Variants in LRRTM4 observed in about 807,000 individuals in gnomAD.
The protein encoded by LRRTM4 is leucine-rich repeat transmembrane neuronal protein 4.
A neutral mutation model predicts 47.6 loss-of-function variants in LRRTM4; 25 were observed. The ratio of observed to expected loss-of-function variants is 0.53; its 90% CI spans 0.38 to 0.73. The LOEUF is 0.73. Ranked by LOEUF, LRRTM4 falls within the 30% of genes least tolerant of loss-of-function variation. The probability of loss-of-function intolerance (pLI) is 0.00; values close to 1 mark genes in which losing one functional copy is unlikely to be tolerated. For synonymous variants in LRRTM4, 311 were observed against 269.5 expected (o/e 1.15, Z -1.51); for missense variants, 638 against 713.4 (o/e 0.89, Z 1.20).
chr2:77,333,723 T>A (rs928674845), intron 3 of LRRTM4, among the ~76,000 whole-genome samples: 1 of 152,150 alleles, frequency 6.6e-6, no homozygotes, highest in African/African-American at 2.4e-5. Flanking sequence ...AAAAGGGAAA[T>A]GTGGGATTGG....
chr2:76,982,336 C>T (rs1457999220), intron 3 of LRRTM4, among the ~76,000 whole-genome samples: 5 of 151,870 alleles, frequency 3.3e-5, no homozygotes, highest in Admixed American at 2.0e-4. Flanking sequence ...CTGACAATGC[C>T]GGTGATGCAA....
chr2:77,246,237 T>C (rs935805495), intron 3 of LRRTM4, among the ~76,000 whole-genome samples: 3 of 152,178 alleles, frequency 2.0e-5, no homozygotes, highest in African/African-American at 7.2e-5. Flanking sequence ...TAGCTCCATC[T>C]GAATGTGCTT....
rs374412397 is a variant in LRRTM4 at position 77,351,454 on chromosome 2, C to T, written c.1551+166864G>A. Among the ~76,000 whole-genome samples the T allele has an allele frequency of 4.8e-4, 73 of 151,660 alleles. 1 individual carries two copies. In the South Asian group the frequency reaches 0.015, roughly 31 times the overall value. On this transcript the variant is annotated intron_variant, in intron 3 of 3. Coordinates refer to ENST00000409884, the MANE Select transcript of LRRTM4 (RefSeq NM_001134745.3). ...AGACTTGAAACAAATTGAATTCCCA[C>T]CAGCAGTAGGATAGTTGAAAACCTT...
chr2:77,491,360 C>CA (rs199736457), intron 3 of LRRTM4, among the ~76,000 whole-genome samples: 8,833 of 149,414 alleles, frequency 0.059, 534 homozygotes, highest in Admixed American at 0.21. Context: ...GGAGGTAAAA[C>CA]AAAAAAAAAT....
At chr2:77,208,325 G>GTA (rs1458209639) in intron 3 of LRRTM4, among the ~76,000 whole-genome samples, 1 of 152,144 alleles carries the variant, frequency 6.6e-6, no homozygotes, top group Admixed American at 6.5e-5. Context: ...AGAGAAGAAT[G>GTA]TAAGTCATAG....
intron 3 of LRRTM4, among the ~76,000 whole-genome samples, chr2:76,948,233 TATAG>T (rs1675386369): frequency 6.6e-6 from 1 of 151,868 alleles, no homozygotes; most frequent in Admixed American, 6.6e-5. Context: ...CAGACAACTT[TATAG>T]ATAGAAGTGA....
At chr2:76,782,027 A>ATCTT (rs1264168500) in intron 3 of LRRTM4, among the ~76,000 whole-genome samples, 1 of 152,146 alleles carries the variant, frequency 6.6e-6, no homozygotes, top group African/African-American at 2.4e-5. Context: ...CAGGCTTTAG[A>ATCTT]TCTTTCACCT....
chr2:77,105,461 A>G (rs1441507921), intron 3 of LRRTM4, among the ~76,000 whole-genome samples: 1 of 141,116 alleles, frequency 7.1e-6, no homozygotes, highest in Non-Finnish European at 1.5e-5. Flanking sequence ...TTGAACAATG[A>G]GAACACATGG....
chr2:76,863,474 A>G (rs1455315277), intron 3 of LRRTM4, among the ~76,000 whole-genome samples: 1 of 152,192 alleles, frequency 6.6e-6, no homozygotes, highest in African/African-American at 2.4e-5. Context: ...GTGTGTTTCC[A>G]CATCAGAAAA....
intron 3 of LRRTM4, among the ~76,000 whole-genome samples, chr2:77,194,613 A>T (rs1445553272): frequency 1.3e-5 from 2 of 152,186 alleles, no homozygotes; most frequent in Non-Finnish European, 2.9e-5. Context: ...GTTACTGTGA[A>T]TCTCCTGTCT....
chr2:76,865,530 A>T (rs2104026456), intron 3 of LRRTM4, among the ~76,000 whole-genome samples: 1 of 152,338 alleles, frequency 6.6e-6, no homozygotes, highest in African/African-American at 2.4e-5. Flanking sequence ...TTAGACTTTC[A>T]TCAAATGCTG....
At chr2:77,430,520 G>A (rs1255797432) in intron 3 of LRRTM4, among the ~76,000 whole-genome samples, 4 of 151,892 alleles carry the variant, frequency 2.6e-5, no homozygotes, top group African/African-American at 7.3e-5. Context: ...TCGGGAGTTC[G>A]AGACCAGCCT....
At chr2:76,835,570 T>A (rs61223107) in intron 3 of LRRTM4, among the ~76,000 whole-genome samples, 38,385 of 151,900 alleles carry the variant, frequency 0.25, 5,296 homozygotes, top group East Asian at 0.41. Flanking sequence ...TGAAGCAAAA[T>A]AAATGCTCTG....
chr2:76,943,936 GTGCCATTA>G (rs1675238159), intron 3 of LRRTM4, among the ~76,000 whole-genome samples: 1 of 152,024 alleles, frequency 6.6e-6, no homozygotes, highest in African/African-American at 2.4e-5. Flanking sequence ...CATTATCCTA[GTGCCATTA>G]TCCTCTTGTT....
At chr2:77,349,918 C>T (rs895110029) in intron 3 of LRRTM4, among the ~76,000 whole-genome samples, 2 of 152,188 alleles carry the variant, frequency 1.3e-5, no homozygotes, top group Non-Finnish European at 2.9e-5. Flanking sequence ...ATACCATATA[C>T]AATAATAAAT....
chr2:76,870,455 GA>G (rs1323465033), intron 3 of LRRTM4, among the ~76,000 whole-genome samples: 1 of 151,360 alleles, frequency 6.6e-6, no homozygotes, highest in Admixed American at 6.6e-5. Flanking sequence ...AATACTGGGG[GA>G]AAAAAGGAAA....
intron 3 of LRRTM4, among the ~76,000 whole-genome samples, chr2:77,377,647 G>C (rs1166451249): frequency 6.6e-6 from 1 of 151,964 alleles, no homozygotes. Flanking sequence ...GGTTAAATAA[G>C]TAATCTATCT....
chr2:77,218,810 C>T (rs1366721646), intron 3 of LRRTM4, among the ~76,000 whole-genome samples: 1 of 152,028 alleles, frequency 6.6e-6, no homozygotes, highest in Non-Finnish European at 1.5e-5. Context: ...CTTTGTGATG[C>T]CTTCATTGAA....
chr2:77,278,318 C>T (rs943165367), intron 3 of LRRTM4, among the ~76,000 whole-genome samples: 1 of 151,950 alleles, frequency 6.6e-6, no homozygotes, highest in East Asian at 1.9e-4. Context: ...TAACTTTATC[C>T]ATAAATGAGA....
Sources: allele counts gnomAD v4.1 joint callset (sites outside exome capture counted in the v4.1 genomes callset), GRCh38; gene constraint gnomAD v4.1.1; transcripts MANE v1.5; gene names NCBI Gene and HGNC (gene_info 2026-07-23, HGNC 2026-07-21).